Variants in WWOX observed in about 807,000 individuals in gnomAD.
WWOX encodes the protein WW domain containing oxidoreductase, also known as WW domain-containing oxidoreductase.
WWOX carries 69 observed loss-of-function variants against 46.2 expected under a neutral mutation model. The ratio of observed to expected loss-of-function variants is 1.49; its 90% confidence interval spans 1.23 to 1.82. The LOEUF (loss-of-function observed/expected upper bound fraction) is 1.82, where lower values mean the gene tolerates loss of function less well. Among genes scored for constraint, WWOX ranks in the 40% most tolerant of loss-of-function variants. WWOX has a pLI of 0.00. For missense variants in WWOX, 919 were observed against 542.6 expected, an observed-to-expected ratio of 1.69 and a Z score of -6.89; for synonymous variants, 359 against 202.6, an observed-to-expected ratio of 1.77 and a Z score of -6.56.
In WWOX at chr16:78,339,706, G is replaced by T. The variant is rs1417980534; in HGVS notation, c.517-47154G>T. On this transcript the variant is annotated intron_variant, in intron 5 of 8. Transcript: ENST00000566780. ...ATTCATTGTTAGGGATAGAATTACA[G>T]ATTTAAAATCAATTTTGCTTCAGAG... Among the ~76,000 whole-genome samples the T allele has an allele frequency of 1.7e-5, 2 of 118,578 alleles. 1 individual carries two copies. The highest frequency in any genetic ancestry group is 4.0e-5 in the Non-Finnish European group (2 of 49,950). 77.8% of individuals were successfully genotyped at this position (118,578 alleles called of 152,430 possible).
At position 78,331,403 on chromosome 16, in the gene WWOX, A is replaced by C. The variant is rs541337150; in HGVS notation, c.517-55457A>C. Reference sequence around the variant, plus strand: ...GAAACAGGCAACCAGGTAATAAACCAATTACATTCTAATACAGATTACTTC... The same window carrying C: ...GAAACAGGCAACCAGGTAATAAACCCATTACATTCTAATACAGATTACTTC... On this transcript the variant is annotated intron_variant, in intron 5 of 8. Transcript: ENST00000566780. Among the ~76,000 whole-genome samples, 5 of 152,364 alleles carry C rather than the reference A, an allele frequency of 3.3e-5. No homozygotes were observed. The South Asian group carries it at 1.0e-3, about 32-fold the overall frequency.
At chr16:79,053,724 A>G (rs1052342157) in intron 8 of WWOX, among the ~76,000 whole-genome samples, 1 of 152,212 alleles carries the variant, frequency 6.6e-6, no homozygotes, top group African/African-American at 2.4e-5. Flanking sequence ...AGTGCAATTT[A>G]GAGGATGCAG....
chr16:78,596,737 A>G (rs1193820613), intron 8 of WWOX, among the ~76,000 whole-genome samples: 1 of 152,184 alleles, frequency 6.6e-6, no homozygotes, highest in Non-Finnish European at 1.5e-5. Context: ...AAGCCCTTTC[A>G]TTAAGTGAAC....
intron 8 of WWOX, among the ~76,000 whole-genome samples, chr16:78,998,907 C>G (rs966132906): frequency 6.6e-6 from 1 of 152,194 alleles, no homozygotes; most frequent in African/African-American, 2.4e-5. Flanking sequence ...TTGTTATTGC[C>G]TATGCATGTA....
chr16:79,007,068 C>T (rs1050488785), intron 8 of WWOX, among the ~76,000 whole-genome samples: 1 of 152,092 alleles, frequency 6.6e-6, no homozygotes, highest in South Asian at 2.1e-4. Flanking sequence ...CTTCCACAGG[C>T]ACTTTGTCAC....
At chr16:78,880,966 C>T (rs891946634) in intron 8 of WWOX, among the ~76,000 whole-genome samples, 3 of 151,176 alleles carry the variant, frequency 2.0e-5, no homozygotes, top group African/African-American at 7.3e-5. Flanking sequence ...TCTTTCGGTC[C>T]CCTAAAGCTT....
rs1318380245 is a variant in WWOX at position 78,141,171 on chromosome 16, T to C, written c.410-23012T>C. ...TTCGAATTGCAAAGGTGTTTAAGCA[T>C]AGCTTGGTGGCTGCTTAGTGAGGAT... On this transcript the variant is annotated intron_variant, in intron 4 of 8. Transcript: ENST00000566780. 3.3e-5 allele frequency among the ~76,000 whole-genome samples: 5 copies of C among 152,346 alleles called. No homozygotes were observed. In the South Asian group the frequency reaches 8.3e-4, roughly 25 times the overall value.
At chr16:78,532,746 G>C (rs28550754) in intron 8 of WWOX, among the ~76,000 whole-genome samples, 3 of 151,848 alleles carry the variant, frequency 2.0e-5, no homozygotes, top group East Asian at 3.9e-4. Flanking sequence ...TTATGATACC[G>C]TCAGATTCCT....
intron 8 of WWOX, among the ~76,000 whole-genome samples, chr16:79,127,554 A>G (rs1396280824): frequency 6.6e-6 from 1 of 152,200 alleles, no homozygotes; most frequent in Non-Finnish European, 1.5e-5. Flanking sequence ...TGCTATTGCA[A>G]ATTGTGCCGC....
intron 8 of WWOX, among the ~76,000 whole-genome samples, chr16:78,547,842 T>C (rs2044078202): frequency 6.6e-6 from 1 of 151,790 alleles, no homozygotes; most frequent in Admixed American, 6.6e-5. Flanking sequence ...TCCTAATATA[T>C]TATATTGGTG....
At chr16:78,850,433 A>C (rs2052413369) in intron 8 of WWOX, among the ~76,000 whole-genome samples, 1 of 152,232 alleles carries the variant, frequency 6.6e-6, no homozygotes, top group African/African-American at 2.4e-5. Context: ...CAGCTAGATA[A>C]AAGCTGTCAA....
At chr16:79,005,252 G>A (rs2047168536) in intron 8 of WWOX, among the ~76,000 whole-genome samples, 2 of 152,122 alleles carry the variant, frequency 1.3e-5, no homozygotes, top group South Asian at 4.1e-4. Context: ...TTTCCCAAGA[G>A]CCGATCTCCA....
intron 5 of WWOX, among the ~76,000 whole-genome samples, chr16:78,367,126 C>T (rs763754291): frequency 2.6e-5 from 4 of 151,868 alleles, no homozygotes; most frequent in Non-Finnish European, 4.4e-5. Flanking sequence ...ACTACAGGTG[C>T]CTGCCACCAC....
intron 8 of WWOX, among the ~76,000 whole-genome samples, chr16:78,650,511 C>T (rs564994284): frequency 3.4e-4 from 52 of 152,222 alleles, no homozygotes; most frequent in Non-Finnish European, 6.6e-4. Flanking sequence ...TGACTCAACC[C>T]AAATCTAAAG....
At chr16:78,698,275 A>T (rs747952186) in intron 8 of WWOX, among the ~76,000 whole-genome samples, 1 of 152,194 alleles carries the variant, frequency 6.6e-6, no homozygotes, top group Non-Finnish European at 1.5e-5. Context: ...AGTACTTTCA[A>T]TTAGGTTTAC....
chr16:78,495,529 G>A (rs148497553), intron 8 of WWOX, among the ~76,000 whole-genome samples: 5 of 139,858 alleles, frequency 3.6e-5, no homozygotes, highest in Non-Finnish European at 7.6e-5. Context: ...TTTTTTTGGA[G>A]ATGGAGTCTC....
At chr16:78,867,792 C>T (rs778329300) in intron 8 of WWOX, among the ~76,000 whole-genome samples, 6 of 152,110 alleles carry the variant, frequency 3.9e-5, no homozygotes, top group Admixed American at 6.5e-5. Flanking sequence ...AATCTGAGGC[C>T]TTTTCTGACC....
At chr16:78,204,983 CCAAT>C (rs2036346995) in intron 5 of WWOX, among the ~76,000 whole-genome samples, 1 of 152,146 alleles carries the variant, frequency 6.6e-6, no homozygotes, top group African/African-American at 2.4e-5. Flanking sequence ...TTTGGGATAT[CCAAT>C]CAGTTAATAA....
chr16:78,361,190 C>G (rs1362467031), intron 5 of WWOX, among the ~76,000 whole-genome samples: 1 of 152,056 alleles, frequency 6.6e-6, no homozygotes, highest in East Asian at 1.9e-4. Context: ...CTTGATTTGT[C>G]CAGTATTTTC....
Sources: gnomAD v4.1 joint callset for allele counts (sites outside exome capture counted in the v4.1 genomes callset) on GRCh38, gnomAD v4.1.1 for gene constraint, MANE v1.5 for transcripts, NCBI Gene and HGNC (gene_info 2026-07-23, HGNC 2026-07-21) for gene names.